Variants in LHFPL2 observed in about 807,000 individuals in gnomAD.
The protein encoded by LHFPL2 is LHFPL tetraspan subfamily member 2.
In LHFPL2, 7 loss-of-function variants were observed where a neutral mutation model predicts 17.5. The ratio of observed to expected loss-of-function variants is 0.40; its 90% CI spans 0.23 to 0.75. LHFPL2 has a LOEUF of 0.75. Among genes scored for constraint, LHFPL2 ranks in the 30% least tolerant of loss-of-function variants. The pLI is 0.37. For missense variants in LHFPL2, 241 were observed against 294.8 expected (o/e 0.82, Z 1.34); for synonymous variants, 134 against 116.2 (o/e 1.15, Z -0.99).
intron 3 of LHFPL2, among the ~76,000 whole-genome samples, chr5:78,536,880 C>T (rs1402604373): frequency 6.6e-6 from 1 of 152,224 alleles, no homozygotes; most frequent in Non-Finnish European, 1.5e-5. Context: ...TTTCCAGCTT[C>T]AGCCAAATTC....
intron 3 of LHFPL2, among the ~76,000 whole-genome samples, chr5:78,520,034 T>C (rs549421916): frequency 5.3e-5 from 8 of 151,204 alleles, no homozygotes; most frequent in Admixed American, 1.3e-4. Flanking sequence ...AGTTTCCTCA[T>C]CTCTAAAGTG....
chr5:78,599,760 T>C (rs541523578), intron 2 of LHFPL2, among the ~76,000 whole-genome samples: 2 of 152,186 alleles, frequency 1.3e-5, no homozygotes, highest in Non-Finnish European at 2.9e-5. Context: ...GTACAGATAA[T>C]GGCAGACAAT....
intron 3 of LHFPL2, among the ~76,000 whole-genome samples, chr5:78,534,420 A>T (rs1379742316): frequency 1.3e-5 from 2 of 152,110 alleles, no homozygotes; most frequent in South Asian, 2.1e-4. Flanking sequence ...AGGCTCCCCC[A>T]CAAAGGACAG....
intron 2 of LHFPL2, among the ~76,000 whole-genome samples, chr5:78,611,609 A>G (rs1744424982): frequency 6.6e-6 from 1 of 152,084 alleles, no homozygotes; most frequent in Non-Finnish European, 1.5e-5. Flanking sequence ...GGCAATTACT[A>G]AGGGGGATGG....
At chr5:78,584,082 T>C (rs1277439197) in intron 2 of LHFPL2, among the ~76,000 whole-genome samples, 1 of 151,896 alleles carries the variant, frequency 6.6e-6, no homozygotes, top group Non-Finnish European at 1.5e-5. Context: ...CATCGGCTCC[T>C]GAGGCTTCTG....
At chr5:78,629,225 G>A (rs1185535966) in intron 2 of LHFPL2, among the ~76,000 whole-genome samples, 1 of 152,116 alleles carries the variant, frequency 6.6e-6, no homozygotes, top group African/African-American at 2.4e-5. Flanking sequence ...AACTGAAAGG[G>A]GACATGATAA....
intron 4 of LHFPL2, among the ~76,000 whole-genome samples, chr5:78,500,349 C>A (rs928221478): frequency 2.6e-5 from 4 of 152,194 alleles, no homozygotes; most frequent in Non-Finnish European, 5.9e-5. Context: ...GCACCACTAT[C>A]CGTGATCCAG....
intron 2 of LHFPL2, among the ~76,000 whole-genome samples, chr5:78,621,249 T>C (rs1744843981): frequency 6.6e-6 from 1 of 152,194 alleles, no homozygotes; most frequent in South Asian, 2.1e-4. Context: ...GCTGAAATGT[T>C]TATGCATGGA....
chr5:78,560,649 A>C lies in LHFPL2; in HGVS notation c.-186+4164T>G, dbSNP rs1756700783. Among the ~76,000 whole-genome samples the C allele has an allele frequency of 2.0e-5, 3 of 152,262 alleles. No homozygotes were observed. In the South Asian group the frequency reaches 6.2e-4, roughly 31 times the overall value. On this transcript the variant is annotated intron_variant, in intron 3 of 4. Transcript: ENST00000380345. ...CAGTGGAGGCCAAAGGACTGCAAGG[A>C]AAGTAAAAACAGACCTTAAGCTGTA...
chr5:78,600,226 A>G (rs1001024065), intron 2 of LHFPL2, among the ~76,000 whole-genome samples: 3 of 151,800 alleles, frequency 2.0e-5, no homozygotes, highest in Admixed American at 2.0e-4. Flanking sequence ...ATTGTTGTCA[A>G]GCGAGCAAAC....
intron 4 of LHFPL2, among the ~76,000 whole-genome samples, chr5:78,495,760 C>T (rs1244352063): frequency 6.6e-6 from 1 of 152,214 alleles, no homozygotes; most frequent in Non-Finnish European, 1.5e-5. Context: ...CTCTGATCAA[C>T]GTGGGCCCCA....
chr5:78,537,878 G>C (rs1755997235), intron 3 of LHFPL2, among the ~76,000 whole-genome samples: 1 of 152,106 alleles, frequency 6.6e-6, no homozygotes, highest in Non-Finnish European at 1.5e-5. Flanking sequence ...TTCTCATCTA[G>C]CTCAAATTCT....
At chr5:78,535,829 A>G (rs1270350677) in intron 3 of LHFPL2, among the ~76,000 whole-genome samples, 1 of 152,312 alleles carries the variant, frequency 6.6e-6, no homozygotes, top group Admixed American at 6.5e-5. Context: ...TCACATGACA[A>G]CAGGTGCCGG....
At chr5:78,540,051 C>T (rs1002623742) in intron 3 of LHFPL2, among the ~76,000 whole-genome samples, 1 of 152,080 alleles carries the variant, frequency 6.6e-6, no homozygotes, top group Non-Finnish European at 1.5e-5. Flanking sequence ...GAGTGTGTTA[C>T]CAATGGAAGT....
chr5:78,527,862 G>A (rs1002682650), intron 3 of LHFPL2, among the ~76,000 whole-genome samples: 1 of 152,284 alleles, frequency 6.6e-6, no homozygotes, highest in African/African-American at 2.4e-5. Flanking sequence ...GCCTGGATAA[G>A]AACATGAAGT....
rs374947508 is a variant in LHFPL2, at chr5:78,614,723, A to G, written c.-245+17541T>C. 5.9e-5 allele frequency among the ~76,000 whole-genome samples: 9 copies of G among 152,392 alleles called. No homozygotes were observed. The East Asian group carries it at 1.7e-3, about 29-fold the overall frequency. ...GAAAAAAGGACTAAAAAATTTAGAA[A>G]AAAAAGTGACTTCGGACCCTTTCAA... On this transcript the variant is annotated intron_variant, in intron 2 of 4. Transcript: ENST00000380345.
intron 2 of LHFPL2, among the ~76,000 whole-genome samples, chr5:78,587,901 G>C (rs917330903): frequency 6.6e-6 from 1 of 152,204 alleles, no homozygotes; most frequent in Admixed American, 6.5e-5. Context: ...AAGCCTTATG[G>C]CTCTGGAGGA....
Position 78,535,726 on chromosome 5 carries a change from C to T in LHFPL2, c.-185-25328G>A, listed in dbSNP as rs534050672. 1.6e-3 allele frequency among the ~76,000 whole-genome samples: 248 copies of T among 152,286 alleles called. 2 individuals carry two copies. The highest frequency in any genetic ancestry group is 5.8e-3 in the African/African-American group (240 of 41,554). ...CGCCTCTGGAGCTCCTATCTAGCCC[C>T]GACACTGCCGCATGGCTGTAGCTTC... On this transcript the variant is annotated intron_variant, in intron 3 of 4. Coordinates refer to ENST00000380345, the MANE Select transcript of LHFPL2 (RefSeq NM_005779.3).
At chr5:78,492,250 T>C (rs1417860762) in intron 4 of LHFPL2, among the ~76,000 whole-genome samples, 3 of 152,218 alleles carry the variant, frequency 2.0e-5, no homozygotes, top group Non-Finnish European at 4.4e-5. Context: ...TTAGCTGCTC[T>C]TCCCTTTAAA....
Sources: gnomAD v4.1 joint callset for allele counts (sites outside exome capture counted in the v4.1 genomes callset) on GRCh38, gnomAD v4.1.1 for gene constraint, MANE v1.5 for transcripts, NCBI Gene and HGNC (gene_info 2026-07-23, HGNC 2026-07-21) for gene names.